The following PLSCR1 variants were observed in gnomAD, a reference collection of about 807,000 sequenced individuals.
The protein encoded by PLSCR1 is phospholipid scramblase 1, also known as PL scramblase 1.
In PLSCR1, 17 loss-of-function variants were observed where a neutral mutation model predicts 37.8. That is an observed-to-expected ratio of 0.45 (90% confidence interval 0.31 to 0.68). The LOEUF (loss-of-function observed/expected upper bound fraction) is 0.68. Ranked by LOEUF, PLSCR1 falls within the 30% of genes least tolerant of loss-of-function variation. The pLI is 0.06. For synonymous variants in PLSCR1, 116 were observed against 125.9 expected, an observed-to-expected ratio of 0.92 and a Z score of 0.53; for missense variants, 347 against 380.9, an observed-to-expected ratio of 0.91 and a Z score of 0.74.
At chr3:146,521,521 A>G (rs1354886976) in intron 7 of PLSCR1, 23 bp downstream of exon 7, 2 of 1,597,932 alleles carry the variant, frequency 1.3e-6, no homozygotes, top group African/African-American at 1.3e-5. Context: ...AGCAAATCTT[A>G]TAAACATTAT....
In PLSCR1 at chr3:146,538,849, T is replaced by G. The variant is rs145182322; in HGVS notation, c.-13-2284A>C. Among the ~76,000 whole-genome samples, 158 of 152,298 alleles carry G rather than the reference T, an allele frequency of 1.0e-3. 3 individuals carry two copies. In the East Asian group the frequency reaches 0.03, roughly 29 times the overall value. On this transcript the variant is annotated intron_variant, in intron 1 of 8. Transcript: ENST00000342435. ...AAAATAATTTTTCTTAGCATTTAGTTGTTTTAGGCTTTCAAGTCCCATGCA... is the reference window on the plus strand; with the variant it reads ...AAAATAATTTTTCTTAGCATTTAGTGGTTTTAGGCTTTCAAGTCCCATGCA...
intron 6 of PLSCR1, 56 bp from the exon 7 acceptor site, chr3:146,521,761 G>T: frequency 6.3e-7 from 1 of 1,579,254 alleles, no homozygotes; most frequent in Non-Finnish European, 8.7e-7. Context: ...TAGGTTCGAT[G>T]AAAGGTTCAA....
At chr3:146,542,512 T>C (rs1182382010) in intron 1 of PLSCR1, among the ~76,000 whole-genome samples, 1 of 152,230 alleles carries the variant, frequency 6.6e-6, no homozygotes, top group Non-Finnish European at 1.5e-5. Context: ...CATGATTATG[T>C]TGGACTTCCT....
intron 1 of PLSCR1, among the ~76,000 whole-genome samples, chr3:146,539,275 A>G (rs765619958): frequency 1.3e-5 from 2 of 152,174 alleles, no homozygotes; most frequent in Non-Finnish European, 2.9e-5. Context: ...TGCTCCTATG[A>G]GAATCTAATG....
chr3:146,534,575 G>A (rs1010705886), intron 2 of PLSCR1, among the ~76,000 whole-genome samples: 3 of 151,878 alleles, frequency 2.0e-5, no homozygotes, highest in African/African-American at 7.3e-5. Context: ...CCCTGCCCCG[G>A]CCTTTCTCCT....
intron 4 of PLSCR1, among the ~76,000 whole-genome samples, chr3:146,526,417 G>C (rs1044844455): frequency 1.3e-5 from 2 of 152,074 alleles, no homozygotes; most frequent in African/African-American, 2.4e-5. Context: ...AAGTAAATTA[G>C]AGCAGCCATT....
intron 5 of PLSCR1, among the ~76,000 whole-genome samples, chr3:146,524,676 G>C (rs2044081560): frequency 6.6e-6 from 1 of 151,804 alleles, no homozygotes; most frequent in Admixed American, 6.6e-5. Context: ...CTGTCTTCCA[G>C]AGAAAGCTTT....
intron 7 of PLSCR1, among the ~76,000 whole-genome samples, chr3:146,518,347 C>T (rs1025374662): frequency 2.6e-5 from 4 of 152,014 alleles, no homozygotes; most frequent in African/African-American, 7.3e-5. Flanking sequence ...GGTTAACATG[C>T]GCCTAAGTCA....
chr3:146,539,523 G>A (rs563220152), intron 1 of PLSCR1, among the ~76,000 whole-genome samples: 1 of 152,250 alleles, frequency 6.6e-6, no homozygotes, highest in East Asian at 1.9e-4. Context: ...TCAAGTCGTT[G>A]CCAAATGAAT....
At chr3:146,543,700 A>T (rs1037507023) in intron 1 of PLSCR1, among the ~76,000 whole-genome samples, 1 of 152,220 alleles carries the variant, frequency 6.6e-6, no homozygotes, top group Non-Finnish European at 1.5e-5. Context: ...ATAAGAGCTA[A>T]CTTTCACTGA....
chr3:146,520,262 CAT>C (rs1342519634), intron 7 of PLSCR1: 1 of 151,996 alleles, frequency 6.6e-6, no homozygotes, highest in Non-Finnish European at 1.5e-5. Context: ...CCAGATGAAA[CAT>C]AAATTTTTTA....
chr3:146,534,944 C>T (rs903659980), intron 2 of PLSCR1, among the ~76,000 whole-genome samples: 4 of 152,198 alleles, frequency 2.6e-5, no homozygotes, highest in Non-Finnish European at 5.9e-5. Flanking sequence ...TTTCCCTGGA[C>T]AAACATTGCA....
At chr3:146,517,915 A>G (rs546191407) in intron 7 of PLSCR1, among the ~76,000 whole-genome samples, 23 of 152,336 alleles carry the variant, frequency 1.5e-4, no homozygotes, top group Non-Finnish European at 2.9e-4. Context: ...AATGTAGCTG[A>G]AATTCACAAA....
chr3:146,534,554 T>C lies in PLSCR1; in HGVS notation c.14-1004A>G, dbSNP rs142442738. Among the ~76,000 whole-genome samples the C allele has an allele frequency of 6.5e-3, 995 of 152,194 alleles. 23 individuals carry two copies. The highest frequency in any genetic ancestry group is 0.04 in the Admixed American group (605 of 15,276). On this transcript the variant is annotated intron_variant, in intron 2 of 8. Coordinates refer to ENST00000342435, the MANE Select transcript of PLSCR1 (RefSeq NM_021105.3). Reference sequence around the variant, plus strand: ...TGGTTTTATCAGGAAGATTGGATTGTTTCCCCCACCCCCTGCCCCGGCCTT... The same window carrying C: ...TGGTTTTATCAGGAAGATTGGATTGCTTCCCCCACCCCCTGCCCCGGCCTT...
rs1159220124 is a variant in PLSCR1, at chr3:146,521,703, T to C, written c.579A>G (p.Ile193Met). The C allele has an allele frequency of 1.2e-6, 2 of 1,612,476 alleles. No individual in the cohort carries two copies. The highest frequency in any genetic ancestry group is 3.3e-5 in the Admixed American group (2 of 59,838). Residue 193 changes from isoleucine to methionine, a missense_variant and splice_region_variant, in exon 7 of 9, where the codon ATA (isoleucine) becomes ATG (methionine). Physicochemically the swap from Ile to Met is conservative, Grantham distance 10 (BLOSUM62 1). Transcript: ENST00000342435. ...SCCCPCCLQE[I>M]EIQAPPGVPI... ...GTACACCAGGAGGAGCTTGGATTTC[T>C]ATCTACAAAGGCAAAATAATATATG...
chr3:146,536,698 T>C (rs2108664027), intron 1 of PLSCR1, 133 bp from the exon 2 acceptor site: 2 of 596,972 alleles, frequency 3.4e-6, no homozygotes, highest in Admixed American at 2.7e-5. Context: ...AGCCCAGCCT[T>C]ATCTGGTCAT....
chr3:146,531,204 A>G (rs931096015), intron 3 of PLSCR1, among the ~76,000 whole-genome samples: 1 of 152,186 alleles, frequency 6.6e-6, no homozygotes, highest in Non-Finnish European at 1.5e-5. Flanking sequence ...CAGAAAGAAC[A>G]TTTCAGAGCA....
chr3:146,542,580 T>A (rs2044351125), intron 1 of PLSCR1, among the ~76,000 whole-genome samples: 1 of 152,214 alleles, frequency 6.6e-6, no homozygotes, highest in African/African-American at 2.4e-5. Flanking sequence ...AAGTCTCAGG[T>A]ATTCTTTTAC....
Position 146,515,987 on chromosome 3 carries a change from A to G in PLSCR1, c.*58T>C. The G allele has an allele frequency of 9.5e-7, 1 of 1,056,166 alleles. No homozygotes were observed. Among genetic ancestry groups the G allele is most frequent in the East Asian group, 2.4e-5 (1 of 41,806 alleles). The allele number at this position is 1,056,166 out of a possible 1,614,324, so 65.4% of individuals were successfully genotyped here. On this transcript the variant is annotated 3_prime_UTR_variant, in exon 9 of 9. Coordinates refer to ENST00000342435, the MANE Select transcript of PLSCR1 (RefSeq NM_021105.3). ...GCTTAATTCATACAGGTATGAGTTT[A>G]GATAGTCTCAATCAATATACAGACT...
Sources: gnomAD v4.1 joint callset for allele counts (sites outside exome capture counted in the v4.1 genomes callset) on GRCh38, gnomAD v4.1.1 for gene constraint, MANE v1.5 for transcripts, NCBI Gene and HGNC (gene_info 2026-07-23, HGNC 2026-07-21) for gene names.